Variants in SPHK2 observed in about 807,000 individuals in gnomAD.
SPHK2 encodes the protein sphingosine kinase 2.
In SPHK2, 18 loss-of-function variants were observed where a neutral mutation model predicts 32.3. The observed-to-expected ratio is 0.56, with a 90% CI of 0.39 to 0.83. The LOEUF (loss-of-function observed/expected upper bound fraction) is 0.83, where lower values mean the gene tolerates loss of function less well. SPHK2 is among the 40% of genes least tolerant of loss of function. The probability of loss-of-function intolerance (pLI) is 0.00; values close to 1 mark genes in which losing one functional copy is unlikely to be tolerated. For synonymous variants in SPHK2, 462 were observed against 417.6 expected (o/e 1.11, Z -1.30); for missense variants, 850 against 908.7 (o/e 0.94, Z 0.83).
chr19:48,630,006 C>G lies in SPHK2; in HGVS notation c.*233C>G, dbSNP rs1462254222. On this transcript the variant is annotated 3_prime_UTR_variant, in exon 7 of 7. Transcript: ENST00000245222. The surrounding 1 kb of genome is among the most constrained non-coding windows in gnomAD (Gnocchi z 4.9). Reference sequence around the variant, plus strand: ...AGTGCCTGATCAATGAGGGCGGGGCCTGGCGTCTGATCTGGGGCCGCCCTT... The same window carrying G: ...AGTGCCTGATCAATGAGGGCGGGGCGTGGCGTCTGATCTGGGGCCGCCCTT... 7.3e-7 allele frequency: 1 copy of G among 1,371,004 alleles called. No individual in the cohort carries two copies. The highest frequency in any genetic ancestry group is 3.2e-5 in the Admixed American group (1 of 31,036). The allele number at this position is 1,371,004 out of a possible 1,614,324, so 84.9% of individuals were successfully genotyped here.
intron 2 of SPHK2, among the ~76,000 whole-genome samples, chr19:48,622,266 A>AAT (rs1568428595): frequency 1.0e-4 from 15 of 146,348 alleles, no homozygotes; most frequent in African/African-American, 3.7e-4. Context: ...CTCAAAAAAA[A>AAT]AAAAAATAAA....
chr19:48,627,746 C>A lies in SPHK2; in HGVS notation c.566C>A (p.Pro189His). ...CCCCGGTTGCTTCTATTGGTCAATCCCTTTGGGGGTCGGGGCCTGGCCTGG... is the reference window on the plus strand; with the variant it reads ...CCCCGGTTGCTTCTATTGGTCAATCACTTTGGGGGTCGGGGCCTGGCCTGG... The part of the protein sequence containing the change: ...RPPRLLLLVN[P>H]FGGRGLAWQW... Residue 189 changes from proline to histidine, a missense_variant, in exon 4 of 7, where the codon CCC (proline) becomes CAC (histidine). Physicochemically the swap from Pro to His is moderately conservative, Grantham distance 77. Around this residue, in one of 2 missense-constraint regions of SPHK2, gnomAD observed 544 missense variants for 640.0 expected, o/e 0.85. Transcript: ENST00000245222. The A allele has an allele frequency of 6.2e-7, 1 of 1,613,652 alleles. No individual in the cohort carries two copies. The highest frequency in any genetic ancestry group is 8.5e-7 in the Non-Finnish European group (1 of 1,179,810).
intron 2 of SPHK2, chr19:48,624,123 C>T (rs1451061083): frequency 1.3e-5 from 2 of 152,254 alleles, no homozygotes; most frequent in Non-Finnish European, 2.9e-5. Context: ...TCTCCCTTAA[C>T]AAAGATGGCG....
In SPHK2 at chr19:48,628,436, C is replaced by A; in HGVS notation, c.872+159C>A. 1.1e-6 allele frequency: 1 copy of A among 916,282 alleles called. No individual in the cohort carries two copies. The highest frequency in any genetic ancestry group is 1.8e-6 in the Non-Finnish European group (1 of 557,016). The allele number at this position is 916,282 out of a possible 1,614,324, so 56.8% of individuals were successfully genotyped here. A position where few individuals can be genotyped will look rare whatever the true frequency, so the allele number is the denominator to read the frequency against. ...TGGACATTTTTGCCTGCCTGCTTCCCAGCTGTATCCCGAGCGCCCAGAACT... is the reference window on the plus strand; with the variant it reads ...TGGACATTTTTGCCTGCCTGCTTCCAAGCTGTATCCCGAGCGCCCAGAACT... On this transcript the variant is annotated intron_variant, in intron 6 of 6. Coordinates refer to ENST00000245222, the MANE Select transcript of SPHK2 (RefSeq NM_020126.5). The surrounding 1 kb of genome is among the most constrained non-coding windows in gnomAD (Gnocchi z 5.2).
In SPHK2 at chr19:48,628,979, G is replaced by A. The variant is rs1281833867; in HGVS notation, c.1171G>A (p.Ala391Thr). 3 of 1,613,644 alleles carry A rather than the reference G, an allele frequency of 1.9e-6. No individual in the cohort carries two copies. The East Asian group carries it at 6.7e-5, about 36-fold the overall frequency. ...TGTGGAACCTGCCTCGCCCACCCCT[G>A]CCCATAGCCTGCCTCGTGCCAAGTC... ...ATVEPASPTPAHSLPRAKSEL... is the reference protein window; with the variant it reads ...ATVEPASPTPTHSLPRAKSEL... Residue 391 changes from alanine to threonine, a missense_variant, in exon 7 of 7, where the codon GCC becomes ACC. By Grantham distance (58) the Ala-to-Thr change is moderately conservative. This residue lies in a region of SPHK2 where 544 missense variants were observed against 640.0 expected (regional missense o/e 0.85). Transcript: ENST00000245222. The surrounding 1 kb of genome is among the most constrained non-coding windows in gnomAD (Gnocchi z 5.2).
chr19:48,629,207 CCGGACCCACTGCTGTCTT>C lies in SPHK2; in HGVS notation c.1401_1418del (p.Asp468_Ser473del). On this transcript the variant is annotated inframe_deletion, in exon 7 of 7. Coordinates refer to ENST00000245222, the MANE Select transcript of SPHK2 (RefSeq NM_020126.5). ...TGGGGCTGGGGATGCTCCGCTGTCC[CCGGACCCACTGCTGTCTT>C]CACCTCCTGGCTCTCCCAAGGCAGC... 1 of 1,613,612 alleles carries C rather than the reference CCGGACCCACTGCTGTCTT, an allele frequency of 6.2e-7. No homozygotes were observed. Among genetic ancestry groups the C allele is most frequent in the Non-Finnish European group, 8.5e-7 (1 of 1,179,976 alleles).
intron 2 of SPHK2, among the ~76,000 whole-genome samples, chr19:48,621,109 C>T (rs1052239753): frequency 2.6e-5 from 4 of 151,810 alleles, no homozygotes; most frequent in Non-Finnish European, 5.9e-5. Context: ...GGTGGAGTTT[C>T]GCTCTTGTTG....
intron 2 of SPHK2, among the ~76,000 whole-genome samples, chr19:48,622,755 CTCT>C (rs1974453640): frequency 1.5e-5 from 2 of 133,392 alleles, no homozygotes; most frequent in African/African-American, 5.6e-5. Context: ...ACATTTGTCT[CTCT>C]TTTTTTTTTT....
Position 48,628,505 on chromosome 19 carries a change from G to T in SPHK2, c.873-176G>T. 1 of 873,060 alleles carries T rather than the reference G, an allele frequency of 1.1e-6. No individual in the cohort carries two copies. Among genetic ancestry groups the T allele is most frequent in the Non-Finnish European group, 1.8e-6 (1 of 553,930 alleles). 54.1% of individuals were successfully genotyped at this position (873,060 alleles called of 1,614,324 possible). A position where few individuals can be genotyped will look rare whatever the true frequency, so the allele number is the denominator to read the frequency against. ...ACTCAGTGAATTGTAGGGAGCAAAT[G>T]AAAGATGACCAGGAACCTGGCCCCG... On this transcript the variant is annotated intron_variant, in intron 6 of 6. Coordinates refer to ENST00000245222, the MANE Select transcript of SPHK2 (RefSeq NM_020126.5). The surrounding 1 kb of genome is among the most constrained non-coding windows in gnomAD (Gnocchi z 5.2).
chr19:48,628,529 C>A lies in SPHK2; in HGVS notation c.873-152C>A. On this transcript the variant is annotated intron_variant, in intron 6 of 6. Transcript: ENST00000245222. The surrounding 1 kb of genome is among the most constrained non-coding windows in gnomAD (Gnocchi z 5.2). ...TGAAAGATGACCAGGAACCTGGCCC[C>A]GTAAGGAGTCGCCTGGAGGTGGCCC... 1 of 1,014,068 alleles carries A rather than the reference C, an allele frequency of 9.9e-7. No homozygotes were observed. The highest frequency in any genetic ancestry group is 1.5e-6 in the Non-Finnish European group (1 of 649,040). The allele number at this position is 1,014,068 out of a possible 1,614,324, so 62.8% of individuals were successfully genotyped here.
rs554754647 is a variant in SPHK2 at position 48,625,784 on chromosome 19, C to G, written c.40-107C>G. ...CTGTCTGTCTCTGATGCTCCTGTCTCACCTGCCACTGCCCCTCATTGTCTC... is the reference window on the plus strand; with the variant it reads ...CTGTCTGTCTCTGATGCTCCTGTCTGACCTGCCACTGCCCCTCATTGTCTC... On this transcript the variant is annotated intron_variant, in intron 2 of 6. Transcript: ENST00000245222. 126 of 1,537,286 alleles carry G rather than the reference C, an allele frequency of 8.2e-5. No individual in the cohort carries two copies. The East Asian group carries it at 3.0e-3, about 36-fold the overall frequency.
Position 48,630,018 on chromosome 19 carries a change from C to T in SPHK2, c.*245C>T. 5 of 1,357,280 alleles carry T rather than the reference C, an allele frequency of 3.7e-6. No individual in the cohort carries two copies. Among genetic ancestry groups the T allele is most frequent in the Non-Finnish European group, 4.7e-6 (5 of 1,057,808 alleles). 84.1% of individuals were successfully genotyped at this position (1,357,280 alleles called of 1,614,324 possible). A position where few individuals can be genotyped will look rare whatever the true frequency, so the allele number is the denominator to read the frequency against. On this transcript the variant is annotated 3_prime_UTR_variant, in exon 7 of 7. Transcript: ENST00000245222. This position sits in a 1 kb window ranked among gnomAD's most constrained non-coding sequence, Gnocchi z 4.9. ...ATGAGGGCGGGGCCTGGCGTCTGAT[C>T]TGGGGCCGCCCTTACGGGGCAGGGC...
At chr19:48,625,119 G>T in intron 2 of SPHK2, 1 of 991,220 alleles carries the variant, frequency 1.0e-6, no homozygotes, top group Admixed American at 5.9e-5. Context: ...CCCCTTGCAG[G>T]CGCTCGCATG....
intron 2 of SPHK2, chr19:48,624,243 CT>C (rs1974517869): frequency 6.6e-6 from 1 of 152,298 alleles, no homozygotes; most frequent in African/African-American, 2.4e-5. Flanking sequence ...CTCTCGGCCT[CT>C]CCCGCGGCCG....
chr19:48,627,826 A>C lies in SPHK2; in HGVS notation c.646A>C (p.Asn216His). 1.2e-6 allele frequency: 2 copies of C among 1,612,402 alleles called. No homozygotes were observed. Among genetic ancestry groups the C allele is most frequent in the Non-Finnish European group, 1.7e-6 (2 of 1,179,104 alleles). Reference protein sequence around the residue: ...PMISEAGLSFNLIQTERQNHA... With the variant: ...PMISEAGLSFHLIQTERQNHA... The stretch of plus-strand genomic sequence containing the variant: ...GATCTCTGAAGCTGGGCTGTCCTTC[A>C]ACCTCATCCAGACAGGTAAGGGCCA... Residue 216 changes from asparagine to histidine, a missense_variant, in exon 4 of 7, where the codon AAC becomes CAC. Physicochemically the swap from Asn to His is moderately conservative, Grantham distance 68. This residue lies in a region of SPHK2 where 544 missense variants were observed against 640.0 expected (regional missense o/e 0.85). Coordinates refer to ENST00000245222, the MANE Select transcript of SPHK2 (RefSeq NM_020126.5).
Position 48,628,323 on chromosome 19 carries a change from T to TCCCTATCACCCCAGGAG in SPHK2, c.872+46_872+47insCCCTATCACCCCAGGAG. On this transcript the variant is annotated intron_variant, in intron 6 of 6. Transcript: ENST00000245222. This position sits in a 1 kb window ranked among gnomAD's most constrained non-coding sequence, Gnocchi z 5.2. Reference sequence around the variant, plus strand: ...AGGGAGGGATGAGCCCCTCCTGGGGTGATAGGGACCCCTATATCTCCCACT... The same window carrying TCCCTATCACCCCAGGAG: ...AGGGAGGGATGAGCCCCTCCTGGGGTCCCTATCACCCCAGGAGGATAGGGACCCCTATATCTCCCACT... 6.5e-7 allele frequency: 1 copy of TCCCTATCACCCCAGGAG among 1,545,686 alleles called. No individual in the cohort carries two copies. Among genetic ancestry groups the TCCCTATCACCCCAGGAG allele is most frequent in the Non-Finnish European group, 8.9e-7 (1 of 1,122,324 alleles).
chr19:48,622,386 G>C (rs938428519), intron 2 of SPHK2, among the ~76,000 whole-genome samples: 1 of 151,978 alleles, frequency 6.6e-6, no homozygotes, highest in Non-Finnish European at 1.5e-5. Flanking sequence ...TCCTGTTTCA[G>C]TGTGAATAGC....
intron 2 of SPHK2, among the ~76,000 whole-genome samples, chr19:48,622,757 C>CTTTTTTTT (rs779108312): frequency 1.8e-5 from 2 of 108,546 alleles, no homozygotes; most frequent in African/African-American, 3.3e-5. Context: ...ATTTGTCTCT[C>CTTTTTTTT]TTTTTTTTTT....
Position 48,629,565 on chromosome 19 carries a change from C to T in SPHK2, c.1757C>T (p.Ala586Val), listed in dbSNP as rs1403346815. 3 of 1,600,674 alleles carry T rather than the reference C, an allele frequency of 1.9e-6. No individual in the cohort carries two copies. The highest frequency in any genetic ancestry group is 1.7e-6 in the Non-Finnish European group (2 of 1,174,362). Reference protein sequence around the residue: ...SRAALLRLFLAMERGSHFSLG... With the variant: ...SRAALLRLFLVMERGSHFSLG... ...GCTGCGCTGCTGCGCCTTTTCTTGG[C>T]CATGGAGCGTGGTAGCCACTTCAGC... Residue 586 changes from alanine to valine, a missense_variant, in exon 7 of 7, where the codon GCC becomes GTC. Coordinates refer to ENST00000245222, the MANE Select transcript of SPHK2 (RefSeq NM_020126.5).
Sources: gnomAD v4.1 joint callset for allele counts (sites outside exome capture counted in the v4.1 genomes callset) on GRCh38, gnomAD v4.1.1 for gene constraint, gnomAD v4.1.1 regional missense constraint, Gnocchi (gnomAD v3.1) non-coding constraint, MANE v1.5 for transcripts, NCBI Gene and HGNC (gene_info 2026-07-23, HGNC 2026-07-21) for gene names.